SSBP2: variants seen among roughly 807,000 people sequenced by gnomAD.
SSBP2 encodes single stranded DNA binding protein 2.
SSBP2 carries 17 observed loss-of-function variants against 61.8 expected under a neutral mutation model. The ratio of observed to expected loss-of-function variants is 0.28; its 90% confidence interval spans 0.19 to 0.41. SSBP2 has a LOEUF of 0.41. SSBP2 is among the 10% of genes least tolerant of loss of function. SSBP2 has a pLI of 1.00. For synonymous variants in SSBP2, 139 were observed against 141.3 expected, an observed-to-expected ratio of 0.98 and a Z score of 0.12; for missense variants, 310 against 458.7, an observed-to-expected ratio of 0.68 and a Z score of 2.96.
intron 8 of SSBP2, among the ~76,000 whole-genome samples, chr5:81,472,300 T>C (rs1166069581): frequency 1.3e-5 from 2 of 152,142 alleles, no homozygotes; most frequent in Non-Finnish European, 2.9e-5. Flanking sequence ...CTAAAATGCA[T>C]GATATCCTGG....
chr5:81,599,020 AC>A (rs1341865768), intron 4 of SSBP2, among the ~76,000 whole-genome samples: 1 of 152,204 alleles, frequency 6.6e-6, no homozygotes, highest in Middle Eastern at 3.2e-3. Context: ...ACCTAGTATT[AC>A]CATCACTGCC....
At chr5:81,707,358 T>C (rs994341823) in intron 1 of SSBP2, among the ~76,000 whole-genome samples, 4 of 152,230 alleles carry the variant, frequency 2.6e-5, no homozygotes, top group South Asian at 2.1e-4. Context: ...TGAGGTCATA[T>C]AGGAGTAGGG....
intron 14 of SSBP2, 53 bp from the exon 15 acceptor site, chr5:81,437,511 AT>A: frequency 6.9e-7 from 1 of 1,448,688 alleles, no homozygotes; most frequent in Non-Finnish European, 9.6e-7. Flanking sequence ...TCATTTATAA[AT>A]TAAACACTCC....
chr5:81,478,348 A>T (rs756764634), intron 6 of SSBP2, among the ~76,000 whole-genome samples: 3 of 150,616 alleles, frequency 2.0e-5, no homozygotes, highest in Non-Finnish European at 4.4e-5. Flanking sequence ...TTATTTATTT[A>T]TTTTTTTTCT....
At chr5:81,579,132 G>A (rs1022002262) in intron 4 of SSBP2, among the ~76,000 whole-genome samples, 3 of 152,000 alleles carry the variant, frequency 2.0e-5, no homozygotes, top group African/African-American at 7.2e-5. Flanking sequence ...AGATGAAGAG[G>A]GGGTTGAGTC....
At chr5:81,614,793 C>G (rs1362341933) in intron 4 of SSBP2, among the ~76,000 whole-genome samples, 1 of 152,096 alleles carries the variant, frequency 6.6e-6, no homozygotes, top group East Asian at 1.9e-4. Context: ...TCTTCTCATT[C>G]TTATCTTCAC....
intron 1 of SSBP2, among the ~76,000 whole-genome samples, chr5:81,711,775 T>C (rs1355791610): frequency 6.6e-6 from 1 of 151,950 alleles, no homozygotes; most frequent in Non-Finnish European, 1.5e-5. Flanking sequence ...GTTAACAGTG[T>C]GGGTTCTGGA....
chr5:81,603,569 A>G (rs1744590603), intron 4 of SSBP2, among the ~76,000 whole-genome samples: 1 of 152,218 alleles, frequency 6.6e-6, no homozygotes, highest in Non-Finnish European at 1.5e-5. Flanking sequence ...CATCTTTGGA[A>G]AAGGTAAAAA....
At chr5:81,489,420 A>G in intron 5 of SSBP2, 111 bp from the exon 6 acceptor site, 1 of 886,306 alleles carries the variant, frequency 1.1e-6, no homozygotes, top group Non-Finnish European at 1.7e-6. Flanking sequence ...TCACAAATCA[A>G]TGTACTTTGA....
intron 4 of SSBP2, among the ~76,000 whole-genome samples, chr5:81,591,822 AAAC>A (rs1314061178): frequency 1.3e-5 from 2 of 152,180 alleles, no homozygotes; most frequent in African/African-American, 4.8e-5. Context: ...AACATAATAT[AAAC>A]AACAACAACA....
chr5:81,459,146 C>T (rs1036723937), intron 10 of SSBP2, among the ~76,000 whole-genome samples: 3 of 152,120 alleles, frequency 2.0e-5, no homozygotes, highest in African/African-American at 7.2e-5. Flanking sequence ...TTCTCAGGGT[C>T]TAAAATAATG....
intron 10 of SSBP2, among the ~76,000 whole-genome samples, chr5:81,456,597 G>GAA (rs201889812): frequency 7.2e-6 from 1 of 138,464 alleles, no homozygotes; most frequent in African/African-American, 2.6e-5. Context: ...TCGTGAAAAA[G>GAA]AAAAAAAAAA....
At chr5:81,685,310 G>C (rs1752691420) in intron 1 of SSBP2, among the ~76,000 whole-genome samples, 1 of 152,100 alleles carries the variant, frequency 6.6e-6, no homozygotes, top group African/African-American at 2.4e-5. Context: ...TTAATATATA[G>C]GATACATTTG....
intron 1 of SSBP2, among the ~76,000 whole-genome samples, chr5:81,691,852 C>T (rs1753225514): frequency 6.6e-6 from 1 of 152,152 alleles, no homozygotes; most frequent in African/African-American, 2.4e-5. Context: ...ACATTAAAAA[C>T]ATCATTCATC....
intron 5 of SSBP2, among the ~76,000 whole-genome samples, chr5:81,496,917 G>A (rs561464134): frequency 6.6e-5 from 10 of 152,274 alleles, no homozygotes; most frequent in Middle Eastern, 6.8e-3. Flanking sequence ...ATTGTTTGAT[G>A]TGGCACTTTC....
intron 12 of SSBP2, among the ~76,000 whole-genome samples, chr5:81,444,325 C>T (rs1327842440): frequency 6.6e-6 from 1 of 152,128 alleles, no homozygotes; most frequent in African/African-American, 2.4e-5. Context: ...TTTCTTCCTC[C>T]AAACACCTTC....
chr5:81,692,966 G>A (rs1201705705), intron 1 of SSBP2, among the ~76,000 whole-genome samples: 1 of 152,118 alleles, frequency 6.6e-6, no homozygotes, highest in Admixed American at 6.5e-5. Context: ...AGCACTTTGG[G>A]AGGCTGAGGT....
chr5:81,499,567 A>C (rs955944101), intron 5 of SSBP2, among the ~76,000 whole-genome samples: 7 of 152,180 alleles, frequency 4.6e-5, no homozygotes, highest in African/African-American at 1.7e-4. Flanking sequence ...TATTCAGAAA[A>C]ATTCGGTGTG....
intron 4 of SSBP2, among the ~76,000 whole-genome samples, chr5:81,580,556 G>A (rs1774562252): frequency 6.6e-6 from 1 of 151,928 alleles, no homozygotes; most frequent in South Asian, 2.1e-4. Context: ...AGGTTTTATT[G>A]CTTTTATCTG....
Sources: allele counts gnomAD v4.1 joint callset (sites outside exome capture counted in the v4.1 genomes callset), GRCh38; gene constraint gnomAD v4.1.1; transcripts MANE v1.5; gene names NCBI Gene and HGNC (gene_info 2026-07-23, HGNC 2026-07-21).